IL2RB: variants seen among roughly 807,000 people sequenced by gnomAD.
The protein encoded by IL2RB is interleukin-2 receptor subunit beta.
IL2RB carries 17 observed loss-of-function variants against 44.2 expected under a neutral mutation model. That is an observed-to-expected ratio of 0.38 (90% CI 0.26 to 0.58). The LOEUF (loss-of-function observed/expected upper bound fraction) is 0.58, where lower values mean the gene tolerates loss of function less well. Ranked by LOEUF, IL2RB falls within the 20% of genes least tolerant of loss-of-function variation. The pLI is 0.63. For synonymous variants in IL2RB, 286 were observed against 297.9 expected, an observed-to-expected ratio of 0.96 and a Z score of 0.41; for missense variants, 624 against 685.5, an observed-to-expected ratio of 0.91 and a Z score of 1.00.
At chr22:37,163,199 A>G (rs1325519545) in intron 1 of IL2RB, among the ~76,000 whole-genome samples, 1 of 152,086 alleles carries the variant, frequency 6.6e-6, no homozygotes, top group African/African-American at 2.4e-5. Context: ...GAAGACCCAG[A>G]CCTCAGGGAC....
rs1922338139 is a variant in IL2RB, at chr22:37,148,506, C to T, written c.-34+1319G>A. On this transcript the variant is annotated intron_variant, in intron 1 of 9. Transcript: ENST00000216223. ...CCCACGGATGCCTACGTCCCCACCA[C>T]AGCCCTGCAAGGTGGGTCTTGCTGC... is the stretch of plus-strand genomic sequence containing the variant. 2.0e-5 allele frequency among the ~76,000 whole-genome samples: 3 copies of T among 152,332 alleles called. 1 individual carries two copies. The South Asian group carries it at 6.2e-4, about 32-fold the overall frequency.
chr22:37,171,366 A>G (rs765065824), intron 1 of IL2RB, among the ~76,000 whole-genome samples: 2 of 152,206 alleles, frequency 1.3e-5, no homozygotes, highest in South Asian at 4.1e-4. Flanking sequence ...CACAACAGTG[A>G]ACAAAACAAA....
At position 37,128,793 on chromosome 22, in the gene IL2RB, G is replaced by A; in HGVS notation, c.959C>T (p.Pro320Leu). The A allele has an allele frequency of 6.2e-7, 1 of 1,613,272 alleles. No homozygotes were observed. Among genetic ancestry groups the A allele is most frequent in the Non-Finnish European group, 8.5e-7 (1 of 1,179,276 alleles). Residue 320 changes from proline (P) to leucine (L), a missense_variant, in exon 10 of 10, where the codon CCT becomes CTT. By Grantham distance (98) the Pro-to-Leu change is moderately conservative. Coordinates refer to ENST00000216223, the MANE Select transcript of IL2RB (RefSeq NM_000878.5). This position sits in a 1 kb window ranked among gnomAD's most constrained non-coding sequence, Gnocchi z 4.5. The part of the protein sequence containing the change: ...SSSFSPGGLA[P>L]EISPLEVLER... The stretch of plus-strand genomic sequence containing the variant: ...CAGCACTTCTAGTGGCGAGATCTCA[G>A]GTGCCAGGCCGCCAGGGCTGAAGGA...
chr22:37,152,929 CT>C (rs67046193), upstream of IL2RB, among the ~76,000 whole-genome samples: 2,303 of 86,916 alleles, frequency 0.026, 32 homozygotes, highest in African/African-American at 0.086. Flanking sequence ...GCTGTGGCCT[CT>C]TTTTTTTTTT....
chr22:37,149,259 C>T (rs1922371832), intron 1 of IL2RB, among the ~76,000 whole-genome samples: 1 of 152,212 alleles, frequency 6.6e-6, no homozygotes, highest in Admixed American at 6.5e-5. Flanking sequence ...CAAACCCAGA[C>T]TCAAACCCAG....
intron 5 of IL2RB, 95 bp downstream of exon 5, chr22:37,139,022 C>T (rs980859631): frequency 1.7e-5 from 14 of 800,222 alleles, no homozygotes; most frequent in South Asian, 4.7e-5. Flanking sequence ...TGGAAGCTGC[C>T]GGGGAGAAAG....
At chr22:37,133,198 A>G (rs900210242) in intron 8 of IL2RB, among the ~76,000 whole-genome samples, 1 of 152,174 alleles carries the variant, frequency 6.6e-6, no homozygotes, top group African/African-American at 2.4e-5. Context: ...CAAGAACGAC[A>G]AGGAGGAGGG....
Position 37,141,696 on chromosome 22 carries a change from G to A in IL2RB, c.282+738C>T, listed in dbSNP as rs535795499. ...CCCAGGCACTACCACAGCCTGGCAC[G>A]CTCGAGGCAGCACTGACTCACTGGC... On this transcript the variant is annotated intron_variant, in intron 4 of 9. Coordinates refer to ENST00000216223, the MANE Select transcript of IL2RB (RefSeq NM_000878.5). The surrounding 1 kb of genome is among the most constrained non-coding windows in gnomAD (Gnocchi z 4.4). Among the ~76,000 whole-genome samples the A allele has an allele frequency of 2.4e-4, 37 of 152,320 alleles. No individual in the cohort carries two copies. Among genetic ancestry groups the A allele is most frequent in the African/African-American group, 7.9e-4 (33 of 41,582 alleles).
rs2146222567 is a variant in IL2RB, at chr22:37,127,760, G to A, written c.*336C>T. ...GGCAGGGAGCCCTGGAGAGCCGCGA[G>A]GACTGATATTGGTGAATAGCTGCAG... On this transcript the variant is annotated 3_prime_UTR_variant, in exon 10 of 10. Coordinates refer to ENST00000216223, the MANE Select transcript of IL2RB (RefSeq NM_000878.5). 1 of 200,616 alleles carries A rather than the reference G, an allele frequency of 5.0e-6. No individual in the cohort carries two copies. The highest frequency in any genetic ancestry group is 2.3e-5 in the African/African-American group (1 of 43,462). The allele number at this position is 200,616 out of a possible 1,614,324, so 12.4% of individuals were successfully genotyped here.
chr22:37,169,166 C>T (rs1923182281), intron 1 of IL2RB, among the ~76,000 whole-genome samples: 2 of 139,100 alleles, frequency 1.4e-5, no homozygotes, highest in Admixed American at 1.5e-4. Flanking sequence ...GGGGTTCTTG[C>T]TTACAGAGAG....
chr22:37,164,775 A>G (rs1178244812), intron 1 of IL2RB, among the ~76,000 whole-genome samples: 1 of 152,160 alleles, frequency 6.6e-6, no homozygotes, highest in Non-Finnish European at 1.5e-5. Flanking sequence ...AGAGGGCAGA[A>G]TGCTACAGAG....
At chr22:37,155,889 A>T (rs1027596858) in intron 1 of IL2RB, among the ~76,000 whole-genome samples, 1 of 152,110 alleles carries the variant, frequency 6.6e-6, no homozygotes, top group Admixed American at 6.5e-5. Context: ...CTCTGTTTCC[A>T]TGCACCCAGT....
chr22:37,170,389 A>G (rs1349783458), intron 1 of IL2RB, among the ~76,000 whole-genome samples: 1 of 151,544 alleles, frequency 6.6e-6, no homozygotes, highest in Admixed American at 6.6e-5. Context: ...GAAGAGCAAC[A>G]GCTCCTCATA....
chr22:37,134,106 G>A (rs1921568369), intron 8 of IL2RB, among the ~76,000 whole-genome samples: 1 of 151,968 alleles, frequency 6.6e-6, no homozygotes, highest in African/African-American at 2.4e-5. Flanking sequence ...CACGGATTCA[G>A]CCAATCTCTG....
At chr22:37,138,252 T>G (rs368490955) in intron 5 of IL2RB, among the ~76,000 whole-genome samples, 1 of 152,358 alleles carries the variant, frequency 6.6e-6, no homozygotes, top group East Asian at 1.9e-4. Context: ...TAAATGAATC[T>G]CAGTTTCTAT....
At chr22:37,142,554 C>T (rs1381627605) in intron 3 of IL2RB, 42 bp from the exon 4 acceptor site, 2 of 1,581,024 alleles carry the variant, frequency 1.3e-6, no homozygotes, top group African/African-American at 2.7e-5. Flanking sequence ...CAGGAAGGAC[C>T]CACACAGCTG....
intron 5 of IL2RB, 85 bp downstream of exon 5, chr22:37,139,032 G>C: frequency 1.1e-6 from 1 of 871,040 alleles, no homozygotes; most frequent in Non-Finnish European, 1.9e-6. Flanking sequence ...CGGGGAGAAA[G>C]GCTGGAGCAG....
intron 1 of IL2RB, among the ~76,000 whole-genome samples, chr22:37,157,656 G>A (rs1439824181): frequency 2.0e-5 from 3 of 152,174 alleles, no homozygotes; most frequent in Non-Finnish European, 4.4e-5. Flanking sequence ...TCAGCTCCCC[G>A]ATTTAAAACC....
At chr22:37,156,124 C>T (rs1007283329) in intron 1 of IL2RB, among the ~76,000 whole-genome samples, 1 of 152,218 alleles carries the variant, frequency 6.6e-6, no homozygotes, top group African/African-American at 2.4e-5. Context: ...ACTCCGCCTC[C>T]CAGGAGATGT....
Sources: gnomAD v4.1 joint callset for allele counts (sites outside exome capture counted in the v4.1 genomes callset) on GRCh38, gnomAD v4.1.1 for gene constraint, Gnocchi (gnomAD v3.1) non-coding constraint, MANE v1.5 for transcripts, NCBI Gene and HGNC (gene_info 2026-07-23, HGNC 2026-07-21) for gene names.